Variants in RECQL observed in about 807,000 individuals in gnomAD.
RECQL encodes ATP-dependent DNA helicase Q1.
Under a neutral mutation model 75.8 loss-of-function variants are expected in RECQL, and 73 were observed. That is an observed-to-expected ratio of 0.96 (90% CI 0.80 to 1.17). The LOEUF (loss-of-function observed/expected upper bound fraction) is 1.17. RECQL is among the 50% of genes most tolerant of loss of function. RECQL has a pLI of 0.00. For synonymous variants in RECQL, 248 were observed against 254.4 expected (o/e 0.97, Z 0.24); for missense variants, 699 against 772.1 (o/e 0.91, Z 1.12).
At chr12:21,477,154 C>T (rs924337703) in intron 7 of RECQL, among the ~76,000 whole-genome samples, 162 bp from the exon 8 acceptor site, 1 of 152,048 alleles carries the variant, frequency 6.6e-6, no homozygotes, top group African/African-American at 2.4e-5. Flanking sequence ...TCATCTGTTC[C>T]TCCTCCCAGA....
In RECQL at chr12:21,495,931, A is replaced by G. The variant is rs541638690; in HGVS notation, c.16+3624T>C. On this transcript the variant is annotated intron_variant, in intron 2 of 14. Transcript: ENST00000444129. The stretch of plus-strand genomic sequence containing the variant: ...GTGTGGTTATTTCCTCAGTTTCAGA[A>G]TGTATACTGAGAACAGATATATTCA... Among the ~76,000 whole-genome samples, 4 of 152,326 alleles carry G rather than the reference A, an allele frequency of 2.6e-5. No individual in the cohort carries two copies. The South Asian group carries it at 6.2e-4, about 24-fold the overall frequency.
At chr12:21,495,384 C>T (rs1410016802) in intron 2 of RECQL, among the ~76,000 whole-genome samples, 1 of 152,152 alleles carries the variant, frequency 6.6e-6, no homozygotes, top group Non-Finnish European at 1.5e-5. Flanking sequence ...ATCACGAGAT[C>T]AGGAGATCGA....
At chr12:21,482,660 C>T (rs563197081) in intron 6 of RECQL, among the ~76,000 whole-genome samples, 44 of 152,036 alleles carry the variant, frequency 2.9e-4, no homozygotes, top group African/African-American at 8.4e-4. Flanking sequence ...AGTGTCTGGA[C>T]GGGAAACAGA....
chr12:21,492,714 T>G (rs543168464), intron 2 of RECQL, among the ~76,000 whole-genome samples: 92 of 152,332 alleles, frequency 6.0e-4, no homozygotes, highest in Admixed American at 9.8e-4. Context: ...ATTAGGAAAC[T>G]GCTGCCTCAC....
intron 6 of RECQL, among the ~76,000 whole-genome samples, chr12:21,478,721 G>C (rs1345929770): frequency 3.9e-5 from 6 of 152,198 alleles, no homozygotes; most frequent in African/African-American, 1.4e-4. Context: ...ACATCTCCCA[G>C]AATCTCTTTC....
rs201851180 is a variant in RECQL, at chr12:21,473,562, C to T, written c.1436G>A (p.Cys479Tyr). 14 of 1,612,086 alleles carry T rather than the reference C, an allele frequency of 8.7e-6. No individual in the cohort carries two copies. In the African/African-American group the frequency reaches 1.7e-4, roughly 20 times the overall value. Reference protein sequence around the residue: ...EACNKMCDNCCKDSAFERKNI... With the variant: ...EACNKMCDNCYKDSAFERKNI... ...AACAACAAACTCACCACTGTCTTTACAGCAGTTATCGCACATTTTGTTACA... is the reference window on the plus strand; with the variant it reads ...AACAACAAACTCACCACTGTCTTTATAGCAGTTATCGCACATTTTGTTACA... The change falls in exon 12 of 15, where the codon TGT becomes TAT. Residue 479 changes from cysteine to tyrosine, a missense_variant. Cys to Tyr is a radical substitution (Grantham distance 194, BLOSUM62 -2). Around this residue, in one of 2 missense-constraint regions of RECQL, gnomAD observed 669 missense variants for 713.5 expected, o/e 0.94. Transcript: ENST00000444129.
At chr12:21,486,656 C>CCT (rs1565571187) in intron 4 of RECQL, 71 bp from the exon 5 acceptor site, 6,507 of 160,858 alleles carry the variant, frequency 0.04, 1,792 homozygotes, top group African/African-American at 0.12. Flanking sequence ...AAACCATTCA[C>CCT]GTTTTTTTTT....
At chr12:21,470,788 A>C in intron 14 of RECQL, 181 bp downstream of exon 14, 1 of 425,072 alleles carries the variant, frequency 2.4e-6, no homozygotes, top group Non-Finnish European at 3.9e-6. Flanking sequence ...GGCCAGTCTA[A>C]ATTCTTTCAC....
chr12:21,497,045 C>A (rs1943521906), intron 2 of RECQL, among the ~76,000 whole-genome samples: 1 of 152,166 alleles, frequency 6.6e-6, no homozygotes, highest in African/African-American at 2.4e-5. Context: ...AGAACTATTA[C>A]CCTTTCAGAA....
Position 21,471,034 on chromosome 12 carries a change from G to A in RECQL, c.1732C>T (p.Leu578Phe), listed in dbSNP as rs777565272. ...ATAGCATGTGCCTCATTGTTCAGAA[G>A]ATTAGCTTTAGGTCCTATTTTCAAA... ...SYLKIGPKAN[L>F]LNNEAHAITM... Residue 578 changes from leucine to phenylalanine, a missense_variant, in exon 14 of 15, where the codon CTT becomes TTT. By Grantham distance (22) the Leu-to-Phe change is conservative. Coordinates refer to ENST00000444129, the MANE Select transcript of RECQL (RefSeq NM_002907.4). 28 of 1,601,644 alleles carry A rather than the reference G, an allele frequency of 1.7e-5. No homozygotes were observed. The East Asian group carries it at 6.0e-4, about 34-fold the overall frequency.
In RECQL at chr12:21,490,326, C is replaced by T. The variant is rs376346375; in HGVS notation, c.267G>A (p.Leu89=). The T allele has an allele frequency of 5.1e-5, 82 of 1,612,810 alleles. No individual in the cohort carries two copies. Among genetic ancestry groups the T allele is most frequent in the Non-Finnish European group, 6.9e-5 (81 of 1,179,162 alleles). ...CAAGCTGAAGTGGTCTGAACTTTTC[C>T]AGTTTAAAGACATTTTGCAGAATAT... ...VKDILQNVFK[L]EKFRPLQLET... The change falls in exon 4 of 15, where the codon CTG becomes CTA. Residue 89 remains leucine (L), a synonymous_variant. Coordinates refer to ENST00000444129, the MANE Select transcript of RECQL (RefSeq NM_002907.4).
intron 4 of RECQL, among the ~76,000 whole-genome samples, chr12:21,488,298 T>C (rs1943344086): frequency 1.3e-5 from 2 of 152,202 alleles, no homozygotes; most frequent in Admixed American, 1.3e-4. Context: ...ACAATCCTGG[T>C]TATCCTATAT....
At position 21,470,124 on chromosome 12, in the gene RECQL, T is replaced by G. The variant is rs1416115008; in HGVS notation, c.*70A>C. On this transcript the variant is annotated 3_prime_UTR_variant, in exon 15 of 15. Coordinates refer to ENST00000444129, the MANE Select transcript of RECQL (RefSeq NM_002907.4). ...TATGAAATTCTTTTAAAAACTATTG[T>G]CTAACTACAAAAATAATGGCATATA... The G allele has an allele frequency of 6.5e-7, 1 of 1,538,144 alleles. No individual in the cohort carries two copies. The highest frequency in any genetic ancestry group is 8.8e-7 in the Non-Finnish European group (1 of 1,132,190).
intron 5 of RECQL, among the ~76,000 whole-genome samples, chr12:21,485,892 C>T (rs1943286615): frequency 6.6e-6 from 1 of 151,934 alleles, no homozygotes; most frequent in African/African-American, 2.4e-5. Flanking sequence ...CTGGGAAATG[C>T]TTTATTCTAC....
At chr12:21,491,461 A>C in intron 3 of RECQL, 58 bp downstream of exon 3, 1 of 1,477,452 alleles carries the variant, frequency 6.8e-7, no homozygotes, top group Non-Finnish European at 9.0e-7. Flanking sequence ...AATTCATTCT[A>C]GTTTTTTAAA....
At position 21,473,638 on chromosome 12, in the gene RECQL, G is replaced by A. The variant is rs376377526; in HGVS notation, c.1360C>T (p.Arg454Cys). Residue 454 changes from arginine (R) to cysteine (C), a missense_variant, in exon 12 of 15, where the codon CGT (arginine) becomes TGT (cysteine). Coordinates refer to ENST00000444129, the MANE Select transcript of RECQL (RefSeq NM_002907.4). ...AAATGTTGAGCCATCAACACACGAC[G>A]ACATCTGCAAACACATTTAAAGATA... is the stretch of plus-strand genomic sequence containing the variant. Reference protein sequence around the residue: ...VSYCQNISKCRRVLMAQHFDE... With the variant: ...VSYCQNISKCCRVLMAQHFDE... The A allele has an allele frequency of 3.7e-6, 6 of 1,611,764 alleles. No individual in the cohort carries two copies. Among genetic ancestry groups the A allele is most frequent in the Non-Finnish European group, 5.1e-6 (6 of 1,178,638 alleles).
intron 2 of RECQL, among the ~76,000 whole-genome samples, chr12:21,497,626 T>G (rs1943532284): frequency 6.6e-6 from 1 of 152,240 alleles, no homozygotes; most frequent in African/African-American, 2.4e-5. Context: ...CCTCTCTGAA[T>G]GGTCAGAGTG....
chr12:21,490,503 T>TAA, intron 3 of RECQL, 125 bp from the exon 4 acceptor site: 1 of 606,346 alleles, frequency 1.6e-6, no homozygotes, highest in Non-Finnish European at 2.8e-6. Context: ...GATAATAGTT[T>TAA]TGAGATTAAC....
chr12:21,482,403 C>A (rs540146846), intron 6 of RECQL, among the ~76,000 whole-genome samples: 50 of 152,204 alleles, frequency 3.3e-4, no homozygotes, highest in African/African-American at 1.2e-3. Flanking sequence ...TGATAGGAGA[C>A]ATTTGTTGGA....
Sources: gnomAD v4.1 joint callset for allele counts (sites outside exome capture counted in the v4.1 genomes callset) on GRCh38, gnomAD v4.1.1 for gene constraint, gnomAD v4.1.1 regional missense constraint, MANE v1.5 for transcripts, NCBI Gene and HGNC (gene_info 2026-07-23, HGNC 2026-07-21) for gene names.